Variants in IL1RAPL1 observed in about 807,000 individuals in gnomAD.
IL1RAPL1 encodes interleukin 1 receptor accessory protein like 1.
A neutral mutation model predicts 48.4 loss-of-function variants in IL1RAPL1; 3 were observed. The observed-to-expected ratio is 0.06, with a 90% CI of 0.03 to 0.16. The LOEUF (loss-of-function observed/expected upper bound fraction) is 0.16. Ranked by LOEUF, IL1RAPL1 falls within the 10% of genes least tolerant of loss-of-function variation. IL1RAPL1 has a pLI of 1.00. For missense variants in IL1RAPL1, 349 were observed against 530.6 expected, an observed-to-expected ratio of 0.66 and a Z score of 3.36; for synonymous variants, 185 against 187.7, an observed-to-expected ratio of 0.99 and a Z score of 0.12.
chrX:29,552,384 G>A (rs766637321), intron 5 of IL1RAPL1, among the ~76,000 whole-genome samples: 2 of 111,054 alleles, frequency 1.8e-5, no homozygotes, highest in East Asian at 2.8e-4. Flanking sequence ...TTCAGGAGAC[G>A]CACATTTGTT....
chrX:29,159,109 A>G (rs1929632118), intron 2 of IL1RAPL1, among the ~76,000 whole-genome samples: 2 of 108,234 alleles, frequency 1.8e-5, no homozygotes, highest in Middle Eastern at 4.8e-3. Flanking sequence ...TTCATCTGTA[A>G]CAAGAGAATA....
intron 2 of IL1RAPL1, among the ~76,000 whole-genome samples, chrX:29,277,051 A>T (rs1481764030): frequency 8.9e-6 from 1 of 112,563 alleles, no homozygotes; most frequent in Admixed American, 9.4e-5. Context: ...ACTAAAGAAC[A>T]TAGGGTAACT....
At chrX:29,326,445 G>A (rs920192343) in intron 3 of IL1RAPL1, among the ~76,000 whole-genome samples, 3 of 112,308 alleles carry the variant, frequency 2.7e-5, no homozygotes, top group Non-Finnish European at 5.6e-5. Context: ...TTTCAGCATA[G>A]GAAAATTCTA....
At chrX:29,361,261 A>G (rs1467358723) in intron 3 of IL1RAPL1, among the ~76,000 whole-genome samples, 1 of 111,375 alleles carries the variant, frequency 9.0e-6, no homozygotes, top group Non-Finnish European at 1.9e-5. Flanking sequence ...TAGCAGGTCA[A>G]TTGGAGACGG....
chrX:28,670,258 A>G (rs1934935348), intron 1 of IL1RAPL1, among the ~76,000 whole-genome samples: 1 of 111,809 alleles, frequency 8.9e-6, no homozygotes, highest in Non-Finnish European at 1.9e-5. Context: ...GGAGGGGATC[A>G]ATACATACTT....
At chrX:29,766,647 ATATATAT>A (rs1928916959) in intron 6 of IL1RAPL1, among the ~76,000 whole-genome samples, 1 of 94,658 alleles carries the variant, frequency 1.1e-5, no homozygotes, top group Admixed American at 1.3e-4. Context: ...CTTTCTCATT[ATATATAT>A]TATATATTAA....
intron 5 of IL1RAPL1, among the ~76,000 whole-genome samples, chrX:29,462,680 G>A (rs910172637): frequency 9.0e-6 from 1 of 111,439 alleles, no homozygotes; most frequent in Admixed American, 9.6e-5. Flanking sequence ...AATGGATATT[G>A]ACTGACTTCC....
chrX:29,810,833 TAG>T (rs1569176684), intron 6 of IL1RAPL1, among the ~76,000 whole-genome samples: 1 of 112,123 alleles, frequency 8.9e-6, no homozygotes, highest in Admixed American at 9.5e-5. Flanking sequence ...CTAAGACTTA[TAG>T]AGTTTTTTAT....
chrX:29,648,679 A>G (rs1483483347), intron 5 of IL1RAPL1, among the ~76,000 whole-genome samples: 1 of 111,880 alleles, frequency 8.9e-6, no homozygotes, highest in African/African-American at 3.2e-5. Context: ...GCCTATATCA[A>G]AAAAGAGAAA....
chrX:28,642,979 C>T (rs1444074505), intron 1 of IL1RAPL1, among the ~76,000 whole-genome samples: 5 of 110,527 alleles, frequency 4.5e-5, no homozygotes, highest in African/African-American at 9.9e-5. Context: ...ACCTCCATCT[C>T]CCAGGTTCAA....
At chrX:28,778,312 G>A (rs894043212) in intron 1 of IL1RAPL1, among the ~76,000 whole-genome samples, 1 of 111,973 alleles carries the variant, frequency 8.9e-6, no homozygotes, top group Non-Finnish European at 1.9e-5. Context: ...CAGATATGTG[G>A]TAAGAGTCAG....
intron 2 of IL1RAPL1, among the ~76,000 whole-genome samples, chrX:29,179,332 C>G (rs1227472259): frequency 9.0e-6 from 1 of 111,288 alleles, no homozygotes; most frequent in East Asian, 2.8e-4. Flanking sequence ...AGTTGGATTC[C>G]TAGGTATTTT....
intron 6 of IL1RAPL1, among the ~76,000 whole-genome samples, chrX:29,782,257 A>C (rs1165210964): frequency 9.0e-6 from 1 of 111,399 alleles, no homozygotes; most frequent in African/African-American, 3.3e-5. Context: ...ACCATTGTAC[A>C]ATTGTAAAGA....
At chrX:29,441,112 C>T (rs1018836746) in intron 5 of IL1RAPL1, among the ~76,000 whole-genome samples, 3 of 110,529 alleles carry the variant, frequency 2.7e-5, no homozygotes, top group Non-Finnish European at 3.8e-5. Context: ...GCATATCCTT[C>T]ACTGGCCTCT....
chrX:29,333,382 T>C (rs1482737544), intron 3 of IL1RAPL1, among the ~76,000 whole-genome samples: 9 of 82,754 alleles, frequency 1.1e-4, no homozygotes, highest in East Asian at 9.0e-4. Flanking sequence ...ACCTCCTGGA[T>C]AGGGCGGCTG....
At chrX:29,537,941 C>T (rs1331539206) in intron 5 of IL1RAPL1, among the ~76,000 whole-genome samples, 5 of 111,126 alleles carry the variant, frequency 4.5e-5, no homozygotes, top group Non-Finnish European at 9.4e-5. Context: ...GTAAACTGAC[C>T]ATTAAGAAAC....
intron 5 of IL1RAPL1, among the ~76,000 whole-genome samples, chrX:29,504,089 T>TAG (rs1166927350): frequency 1.8e-5 from 2 of 109,872 alleles, no homozygotes; most frequent in Non-Finnish European, 3.8e-5. Flanking sequence ...GTCTCCTGAG[T>TAG]TGCTGGGATT....
chrX:29,801,000 CAAAAAAAAAAAAAAAAA>C (rs781152873), intron 6 of IL1RAPL1, among the ~76,000 whole-genome samples: 1 of 1,739 alleles, frequency 5.8e-4, no homozygotes, highest in Non-Finnish European at 1.7e-3. Context: ...AACTCCGTCT[CAAAAAAAAAAAAAAAAA>C]AAAAAAAAAA....
chrX:28,664,610 T>C (rs1263108934), intron 1 of IL1RAPL1, among the ~76,000 whole-genome samples: 4 of 111,822 alleles, frequency 3.6e-5, no homozygotes, highest in Non-Finnish European at 5.6e-5. Flanking sequence ...GATCAATGGT[T>C]CTTTGTGTCT....
Sources: allele counts gnomAD v4.1 joint callset (sites outside exome capture counted in the v4.1 genomes callset), GRCh38; gene constraint gnomAD v4.1.1; transcripts MANE v1.5; gene names NCBI Gene and HGNC (gene_info 2026-07-23, HGNC 2026-07-21).